Variants in ZNF536 observed in about 807,000 individuals in gnomAD.
ZNF536 encodes the protein zinc finger protein 536.
ZNF536 carries 13 observed loss-of-function variants against 84.5 expected under a neutral mutation model. That is an observed-to-expected ratio of 0.15 (90% confidence interval 0.10 to 0.24). ZNF536 has a LOEUF of 0.24. Among genes scored for constraint, ZNF536 ranks in the 10% least tolerant of loss-of-function variants. The pLI is 1.00. For missense variants in ZNF536, 1,536 were observed against 1,747.5 expected, an observed-to-expected ratio of 0.88 and a Z score of 2.16; for synonymous variants, 811 against 742.5, an observed-to-expected ratio of 1.09 and a Z score of -1.50.
chr19:30,383,735 CTT>C (rs1209187118), intron 1 of ZNF536, among the ~76,000 whole-genome samples: 10 of 6,800 alleles, frequency 1.5e-3, no homozygotes, highest in Non-Finnish European at 4.6e-3. Context: ...TTCTTTCTTT[CTT>C]TCTTTCTCTT....
chr19:30,290,174 G>T (rs1703435888), intron 2 of ZNF536, among the ~76,000 whole-genome samples: 1 of 152,138 alleles, frequency 6.6e-6, no homozygotes, highest in Non-Finnish European at 1.5e-5. Flanking sequence ...TGTCCTCAAG[G>T]TTCATCCATA....
intron 3 of ZNF536, among the ~76,000 whole-genome samples, chr19:30,356,651 G>A (rs373308505): frequency 5.9e-5 from 9 of 152,314 alleles, no homozygotes; most frequent in African/African-American, 1.7e-4. Context: ...GAATGAGATC[G>A]GTGTGTAAGG....
intron 2 of ZNF536, among the ~76,000 whole-genome samples, chr19:30,450,925 T>C (rs1467052173): frequency 1.3e-5 from 2 of 152,234 alleles, no homozygotes; most frequent in African/African-American, 4.8e-5. Flanking sequence ...CTGCACTTTT[T>C]TTAAAGCTCA....
At chr19:30,297,442 A>G (rs2046035079) in intron 2 of ZNF536, among the ~76,000 whole-genome samples, 1 of 152,064 alleles carries the variant, frequency 6.6e-6, no homozygotes, top group Non-Finnish European at 1.5e-5. Context: ...TTATTACTGA[A>G]CTTTAAAAAG....
At chr19:30,283,742 G>GGA (rs3085764) in intron 1 of ZNF536, among the ~76,000 whole-genome samples, 513 of 146,700 alleles carry the variant, frequency 3.5e-3, no homozygotes, top group African/African-American at 9.4e-3. Flanking sequence ...AGAGAGAGAG[G>GGA]GAGAGAGAGA....
chr19:30,269,777 C>G (rs538029999), intron 1 of ZNF536, among the ~76,000 whole-genome samples: 1 of 152,140 alleles, frequency 6.6e-6, no homozygotes, highest in East Asian at 1.9e-4. Context: ...CTTGTACGAA[C>G]GAAGATGCCA....
intron 1 of ZNF536, among the ~76,000 whole-genome samples, chr19:30,260,316 A>G (rs1294525748): frequency 6.6e-6 from 1 of 152,236 alleles, no homozygotes; most frequent in Non-Finnish European, 1.5e-5. Context: ...AGGTTGGGGA[A>G]CATCACAGCA....
rs530853543 is a variant in ZNF536, at chr19:30,476,957, G to GTT, written c.2170+31235_2170+31236dup. Among the ~76,000 whole-genome samples, 138 of 147,524 alleles carry GTT rather than the reference G, an allele frequency of 9.4e-4. 3 individuals are homozygous for GTT. Among genetic ancestry groups the GTT allele is most frequent in the African/African-American group, 3.4e-3 (136 of 40,498 alleles). On this transcript the variant is annotated intron_variant, in intron 2 of 4. Coordinates refer to ENST00000355537, the MANE Select transcript of ZNF536 (RefSeq NM_014717.3). ...CCTTTGCACTTCCTATACTTGCTGG[G>GTT]TTTTTTTTTTTAATAGAGATGGGGT...
chr19:30,484,314 C>T (rs547140769), intron 2 of ZNF536, among the ~76,000 whole-genome samples: 1 of 150,062 alleles, frequency 6.7e-6, no homozygotes, highest in Admixed American at 6.6e-5. Context: ...GCAACCTCTG[C>T]CTCCTAGGTT....
At chr19:30,439,074 G>GT (rs2051887625) in intron 1 of ZNF536, among the ~76,000 whole-genome samples, 2 of 152,212 alleles carry the variant, frequency 1.3e-5, no homozygotes, top group Admixed American at 6.5e-5. Flanking sequence ...TGATGCCTTA[G>GT]TTTCCCAGTG....
intron 1 of ZNF536, among the ~76,000 whole-genome samples, chr19:30,566,149 A>T (rs2046338643): frequency 6.6e-6 from 1 of 152,240 alleles, no homozygotes; most frequent in African/African-American, 2.4e-5. Context: ...GAACTCAGTC[A>T]GCCACGGCTC....
At position 30,609,536 on chromosome 19, in the gene ZNF536, G is replaced by A. The variant is rs114338411; in HGVS notation, c.169+60022G>A. 4.7e-3 allele frequency among the ~76,000 whole-genome samples: 718 copies of A among 152,294 alleles called. 5 individuals are homozygous for A. The highest frequency in any genetic ancestry group is 0.016 in the African/African-American group (683 of 41,552). On this transcript the variant is annotated intron_variant, in intron 1 of 1. Coordinates refer to the ZNF536 transcript ENST00000592773. ...CATGGCTCTGACATAGCTATTGTGA[G>A]GGCCCAAGAAGATGTGGTAAAGAAA...
At chr19:30,440,359 G>A (rs1206068989) in intron 1 of ZNF536, among the ~76,000 whole-genome samples, 1 of 152,082 alleles carries the variant, frequency 6.6e-6, no homozygotes, top group East Asian at 1.9e-4. Context: ...GGTGCTCATG[G>A]ACTTGTGCGA....
chr19:30,255,478 A>T (rs1006047796), intron 1 of ZNF536, among the ~76,000 whole-genome samples: 1 of 152,202 alleles, frequency 6.6e-6, no homozygotes, highest in Non-Finnish European at 1.5e-5. Flanking sequence ...GGGGGTCCAC[A>T]AGTGTCCCTC....
chr19:30,514,121 G>A (rs947995404), intron 2 of ZNF536, among the ~76,000 whole-genome samples: 2 of 152,192 alleles, frequency 1.3e-5, no homozygotes, highest in Admixed American at 6.5e-5. Context: ...AAGCTGAGCA[G>A]ATTGTGCCAA....
chr19:30,447,210 C>G (rs538268162), intron 2 of ZNF536, among the ~76,000 whole-genome samples: 1 of 152,254 alleles, frequency 6.6e-6, no homozygotes, highest in South Asian at 2.1e-4. Context: ...TCCCCCCCAC[C>G]CTCACTCTTT....
intron 3 of ZNF536, among the ~76,000 whole-genome samples, chr19:30,544,026 G>A (rs1053811538): frequency 3.3e-5 from 5 of 152,188 alleles, no homozygotes; most frequent in African/African-American, 1.2e-4. Context: ...GAGATAGAGG[G>A]CAGGGGTGGT....
chr19:30,235,387 C>G (rs979312822), intron 1 of ZNF536, among the ~76,000 whole-genome samples: 1 of 152,148 alleles, frequency 6.6e-6, no homozygotes, highest in Non-Finnish European at 1.5e-5. Flanking sequence ...TAATGTTAAC[C>G]CGCCTTGAAA....
intron 2 of ZNF536, among the ~76,000 whole-genome samples, chr19:30,316,249 T>C (rs2046674495): frequency 6.6e-6 from 1 of 152,180 alleles, no homozygotes; most frequent in Non-Finnish European, 1.5e-5. Context: ...ACCAATATTG[T>C]ATGCATAGTA....
Sources: gnomAD v4.1 joint callset for allele counts (sites outside exome capture counted in the v4.1 genomes callset) on GRCh38, gnomAD v4.1.1 for gene constraint, MANE v1.5 for transcripts, NCBI Gene and HGNC (gene_info 2026-07-23, HGNC 2026-07-21) for gene names.